IMMP2L: variants seen among roughly 807,000 people sequenced by gnomAD.
IMMP2L encodes mitochondrial inner membrane protease subunit 2.
Under a neutral mutation model 19.3 loss-of-function variants are expected in IMMP2L, and 18 were observed. The ratio of observed to expected loss-of-function variants is 0.93; its 90% CI spans 0.64 to 1.38. The LOEUF (loss-of-function observed/expected upper bound fraction) is 1.38. IMMP2L is among the 40% of genes most tolerant of loss of function. IMMP2L has a pLI of 0.00. For synonymous variants in IMMP2L, 76 were observed against 73.0 expected (o/e 1.04, Z -0.21); for missense variants, 233 against 218.2 (o/e 1.07, Z -0.43).
At chr7:111,112,278 C>T (rs214878) in intron 3 of IMMP2L, among the ~76,000 whole-genome samples, 7,791 of 152,080 alleles carry the variant, frequency 0.051, 351 homozygotes, top group African/African-American at 0.12. Context: ...AAATGAAAAA[C>T]TTTAACCTGC....
chr7:110,935,711 T>C (rs1422402046), intron 4 of IMMP2L, among the ~76,000 whole-genome samples: 1 of 152,088 alleles, frequency 6.6e-6, no homozygotes, highest in Non-Finnish European at 1.5e-5. Flanking sequence ...TTAAATTTCA[T>C]ATGGAACCAA....
chr7:111,352,350 C>T (rs1296109870), intron 3 of IMMP2L, among the ~76,000 whole-genome samples: 1 of 151,256 alleles, frequency 6.6e-6, no homozygotes, highest in African/African-American at 2.4e-5. Flanking sequence ...CAGGTACATG[C>T]CACCATGCAC....
chr7:111,201,909 T>C lies in IMMP2L; in HGVS notation c.240-238344A>G, dbSNP rs997154615. Among the ~76,000 whole-genome samples the C allele has an allele frequency of 2.6e-5, 4 of 152,240 alleles. No homozygotes were observed. In the East Asian group the frequency reaches 5.8e-4, roughly 22 times the overall value. On this transcript the variant is annotated intron_variant, in intron 3 of 5. Transcript: ENST00000405709. ...ATAAGCCCAAACCAGAAACTGAATA[T>C]ACTGGCATCTTGATCTTGGACTTCC...
Position 111,498,658 on chromosome 7 carries a change from T to C in IMMP2L, c.136-11317A>G, listed in dbSNP as rs553537733. On this transcript the variant is annotated intron_variant, in intron 2 of 5. Transcript: ENST00000405709. Reference sequence around the variant, plus strand: ...CAAAGAGGCCAAATTCCCCAACATATACAATGGTGTAGCAATCTATTCACA... The same window carrying C: ...CAAAGAGGCCAAATTCCCCAACATACACAATGGTGTAGCAATCTATTCACA... Among the ~76,000 whole-genome samples the C allele has an allele frequency of 6.6e-5, 10 of 152,258 alleles. No homozygotes were observed. The South Asian group carries it at 1.7e-3, about 25-fold the overall frequency.
At chr7:110,815,378 T>C (rs1196775759) in intron 5 of IMMP2L, among the ~76,000 whole-genome samples, 1 of 152,090 alleles carries the variant, frequency 6.6e-6, no homozygotes, top group Non-Finnish European at 1.5e-5. Context: ...CAGTATTTTA[T>C]TGAGGATTTT....
chr7:110,786,682 C>A (rs1800102465), intron 5 of IMMP2L, among the ~76,000 whole-genome samples: 1 of 151,982 alleles, frequency 6.6e-6, no homozygotes, highest in Non-Finnish European at 1.5e-5. Context: ...AATTGGCGAA[C>A]AATTAATGAG....
chr7:111,236,260 G>A (rs1814300530), intron 3 of IMMP2L, among the ~76,000 whole-genome samples: 1 of 151,938 alleles, frequency 6.6e-6, no homozygotes, highest in South Asian at 2.1e-4. Flanking sequence ...CTTTTGGGGT[G>A]CTACATATTC....
At chr7:111,068,675 A>T (rs2069397165) in intron 3 of IMMP2L, among the ~76,000 whole-genome samples, 1 of 152,222 alleles carries the variant, frequency 6.6e-6, no homozygotes, top group African/African-American at 2.4e-5. Context: ...AGCTTTTAGC[A>T]ACAGAGCAAC....
At chr7:110,932,099 T>TA (rs1815556977) in intron 4 of IMMP2L, among the ~76,000 whole-genome samples, 1 of 152,148 alleles carries the variant, frequency 6.6e-6, no homozygotes, top group Admixed American at 6.6e-5. Flanking sequence ...ACCATTTATT[T>TA]ATTTATGTGT....
intron 5 of IMMP2L, among the ~76,000 whole-genome samples, chr7:110,679,928 T>C (rs550952753): frequency 6.6e-6 from 1 of 152,184 alleles, no homozygotes; most frequent in Admixed American, 6.5e-5. Flanking sequence ...GAGAGGACAC[T>C]TCACATTTTT....
intron 1 of IMMP2L, among the ~76,000 whole-genome samples, chr7:111,546,498 TC>T (rs1848945360): frequency 6.6e-6 from 1 of 152,210 alleles, no homozygotes; most frequent in African/African-American, 2.4e-5. Context: ...TTGTTCGTGC[TC>T]TTTATATATT....
At chr7:110,730,582 G>A (rs1272341901) in intron 5 of IMMP2L, among the ~76,000 whole-genome samples, 4 of 150,480 alleles carry the variant, frequency 2.7e-5, no homozygotes, top group Non-Finnish European at 4.4e-5. Flanking sequence ...AGGCTGGAGT[G>A]CATGCCATCT....
At chr7:111,516,764 G>C (rs754258179) in intron 2 of IMMP2L, among the ~76,000 whole-genome samples, 7 of 152,008 alleles carry the variant, frequency 4.6e-5, no homozygotes, top group Non-Finnish European at 8.8e-5. Flanking sequence ...TAAAACATCA[G>C]GTGAGATTTC....
chr7:111,294,527 T>C (rs1821429831), intron 3 of IMMP2L, among the ~76,000 whole-genome samples: 3 of 151,894 alleles, frequency 2.0e-5, no homozygotes, highest in African/African-American at 7.2e-5. Flanking sequence ...TGTTTTAATG[T>C]TTACATAATT....
intron 4 of IMMP2L, among the ~76,000 whole-genome samples, chr7:110,950,281 G>A (rs1220309972): frequency 6.6e-6 from 1 of 151,806 alleles, no homozygotes; most frequent in African/African-American, 2.4e-5. Flanking sequence ...TATATGCATG[G>A]GTTTCTCTCA....
chr7:111,055,779 T>C (rs748839856), intron 3 of IMMP2L, among the ~76,000 whole-genome samples: 14 of 152,200 alleles, frequency 9.2e-5, no homozygotes, highest in Non-Finnish European at 1.9e-4. Flanking sequence ...GAATTACTTG[T>C]AAGCCTATAA....
chr7:111,045,396 G>T (rs1792300719), intron 3 of IMMP2L, among the ~76,000 whole-genome samples: 1 of 152,038 alleles, frequency 6.6e-6, no homozygotes, highest in Admixed American at 6.6e-5. Flanking sequence ...CCTCTTATCT[G>T]GTCTCTGCAC....
chr7:111,509,162 T>C (rs1845214317), intron 2 of IMMP2L, among the ~76,000 whole-genome samples: 1 of 152,036 alleles, frequency 6.6e-6, no homozygotes, highest in Non-Finnish European at 1.5e-5. Flanking sequence ...CTTAAGAAAA[T>C]GGTTCTCAAA....
chr7:111,043,600 A>G (rs1792100542), intron 3 of IMMP2L, among the ~76,000 whole-genome samples: 1 of 152,238 alleles, frequency 6.6e-6, no homozygotes, highest in African/African-American at 2.4e-5. Context: ...AAATACAAAA[A>G]GAACAAACAG....
Sources: gnomAD v4.1 joint callset for allele counts (sites outside exome capture counted in the v4.1 genomes callset) on GRCh38, gnomAD v4.1.1 for gene constraint, MANE v1.5 for transcripts, NCBI Gene and HGNC (gene_info 2026-07-23, HGNC 2026-07-21) for gene names.